Variants in RPS6KC1 observed in about 807,000 individuals in gnomAD.
RPS6KC1 encodes inactive ribosomal protein S6 kinase delta-1.
In RPS6KC1, 54 loss-of-function variants were observed where a neutral mutation model predicts 103.8. The observed-to-expected ratio is 0.52, with a 90% CI of 0.42 to 0.65. The LOEUF (loss-of-function observed/expected upper bound fraction) is 0.65. Among genes scored for constraint, RPS6KC1 ranks in the 30% least tolerant of loss-of-function variants. The pLI, the probability that RPS6KC1 is intolerant of heterozygous loss-of-function variation, is 0.00. For synonymous variants in RPS6KC1, 439 were observed against 438.7 expected (o/e 1.00, Z -0.01); for missense variants, 1,151 against 1,253.8 (o/e 0.92, Z 1.24).
At chr1:213,202,831 TA>T (rs1258380444) in intron 8 of RPS6KC1, among the ~76,000 whole-genome samples, 3 of 152,174 alleles carry the variant, frequency 2.0e-5, no homozygotes, top group Non-Finnish European at 4.4e-5. Context: ...ATTTATTGAT[TA>T]AAAAATTAAA....
the RPS6KC1 span, among the ~76,000 whole-genome samples, chr1:213,400,861 C>T: frequency 1.3e-5 from 2 of 152,002 alleles, no homozygotes; most frequent in South Asian, 2.1e-4. Context: ...CACACACCAC[C>T]GTGCCTGGCT....
At chr1:213,777,730 T>C in the RPS6KC1 span, among the ~76,000 whole-genome samples, 1 of 152,196 alleles carries the variant, frequency 6.6e-6, no homozygotes, top group Non-Finnish European at 1.5e-5. Flanking sequence ...CTACATTAGT[T>C]TCTTTGTGTC....
At position 213,219,873 on chromosome 1, in the gene RPS6KC1, G is replaced by C. The variant is rs190577170; in HGVS notation, c.1045-10624G>C. On this transcript the variant is annotated intron_variant, in intron 8 of 14. Coordinates refer to ENST00000366960, the MANE Select transcript of RPS6KC1 (RefSeq NM_012424.6). ...GGCCTGTTGTGGGGTGGGGGGAGGG[G>C]GGAGGTATAGCATTAGGAGATATAC... is the stretch of plus-strand genomic sequence containing the variant. 2.1e-5 allele frequency among the ~76,000 whole-genome samples: 3 copies of C among 144,254 alleles called. No homozygotes were observed. The East Asian group carries it at 6.7e-4, about 32-fold the overall frequency. The allele number at this position is 144,254 out of a possible 152,430, so 94.6% of individuals were successfully genotyped here.
chr1:213,283,139 C>T, the RPS6KC1 span, among the ~76,000 whole-genome samples: 928 of 152,252 alleles, frequency 6.1e-3, 9 homozygotes, highest in African/African-American at 0.021. Context: ...CTACTCGCTC[C>T]GTACATCTCC....
chr1:213,769,724 G>GA, the RPS6KC1 span, among the ~76,000 whole-genome samples: 1 of 151,988 alleles, frequency 6.6e-6, no homozygotes, highest in Non-Finnish European at 1.5e-5. Flanking sequence ...AAAGGAGGAA[G>GA]AAAAAGAAAA....
At chr1:213,055,123 G>A (rs944161322) in intron 1 of RPS6KC1, among the ~76,000 whole-genome samples, 5 of 152,106 alleles carry the variant, frequency 3.3e-5, no homozygotes, top group African/African-American at 1.2e-4. Flanking sequence ...CATTGTAAGT[G>A]TCCAATTTGA....
At chr1:213,443,908 A>AG in the RPS6KC1 span, among the ~76,000 whole-genome samples, 2 of 151,878 alleles carry the variant, frequency 1.3e-5, no homozygotes, top group East Asian at 3.9e-4. Flanking sequence ...CTCAAAAAAA[A>AG]AGAGAAGTTT....
rs1227377115 is a variant in RPS6KC1, at chr1:213,195,632, C to T, written c.1044+19140C>T. On this transcript the variant is annotated intron_variant, in intron 8 of 14. Coordinates refer to ENST00000366960, the MANE Select transcript of RPS6KC1 (RefSeq NM_012424.6). ...TGCCCTTCCAGCCTTTCTCCTGAGT[C>T]CTCAGAGGTCATTATATCATACTTA... is the stretch of plus-strand genomic sequence containing the variant. 3.3e-5 allele frequency among the ~76,000 whole-genome samples: 5 copies of T among 152,068 alleles called. No homozygotes were observed. In the East Asian group the frequency reaches 9.6e-4, roughly 29 times the overall value.
At chr1:213,223,314 G>A (rs1026993749) in intron 8 of RPS6KC1, among the ~76,000 whole-genome samples, 6 of 151,890 alleles carry the variant, frequency 4.0e-5, no homozygotes, top group African/African-American at 1.2e-4. Context: ...TCCATTACTC[G>A]AGCAATGTAC....
chr1:213,576,492 T>C, the RPS6KC1 span, among the ~76,000 whole-genome samples: 1 of 152,006 alleles, frequency 6.6e-6, no homozygotes, highest in Non-Finnish European at 1.5e-5. Context: ...TTGGTAATTA[T>C]TATTATTATT....
rs776048289 is a variant in RPS6KC1, at chr1:213,051,359, C to T, written c.-46C>T. 10 of 1,490,486 alleles carry T rather than the reference C, an allele frequency of 6.7e-6. No individual in the cohort carries two copies. In the South Asian group the frequency reaches 8.0e-5, roughly 12 times the overall value. 92.3% of individuals were successfully genotyped at this position (1,490,486 alleles called of 1,614,324 possible). A position where few individuals can be genotyped will look rare whatever the true frequency, so the allele number is the denominator to read the frequency against. On this transcript the variant is annotated 5_prime_UTR_variant, in exon 1 of 15. Coordinates refer to ENST00000366960, the MANE Select transcript of RPS6KC1 (RefSeq NM_012424.6). Reference sequence around the variant, plus strand: ...TGGACCGCGGCGGCGCCGGGTTTCCCTCATGATCCCGGGCGGGTGGCGGCG... The same window carrying T: ...TGGACCGCGGCGGCGCCGGGTTTCCTTCATGATCCCGGGCGGGTGGCGGCG...
At chr1:213,361,134 C>G in the RPS6KC1 span, among the ~76,000 whole-genome samples, 1 of 152,234 alleles carries the variant, frequency 6.6e-6, no homozygotes, top group Admixed American at 6.5e-5. Context: ...GCCTTTTGTT[C>G]AGCTATGCCC....
the RPS6KC1 span, among the ~76,000 whole-genome samples, chr1:213,615,868 G>A: frequency 6.6e-6 from 1 of 152,244 alleles, no homozygotes; most frequent in African/African-American, 2.4e-5. Flanking sequence ...CCTACAAGGG[G>A]TGGCTGGCAG....
the RPS6KC1 span, among the ~76,000 whole-genome samples, chr1:213,689,869 A>G: frequency 6.6e-6 from 1 of 152,216 alleles, no homozygotes; most frequent in African/African-American, 2.4e-5. Flanking sequence ...CTGGGGATCA[A>G]TGTACACCCA....
the RPS6KC1 span, among the ~76,000 whole-genome samples, chr1:213,443,052 T>C: frequency 1.3e-5 from 2 of 152,166 alleles, no homozygotes; most frequent in East Asian, 1.9e-4. Flanking sequence ...TTGAGAACTG[T>C]TGGCGGCGAT....
the RPS6KC1 span, among the ~76,000 whole-genome samples, chr1:213,302,468 C>T: frequency 1.3e-5 from 2 of 152,044 alleles, no homozygotes; most frequent in Non-Finnish European, 2.9e-5. Flanking sequence ...TTGAGACCAG[C>T]CTGGGCAACA....
the RPS6KC1 span, among the ~76,000 whole-genome samples, chr1:213,361,304 G>C: frequency 6.6e-6 from 1 of 152,256 alleles, no homozygotes; most frequent in African/African-American, 2.4e-5. Flanking sequence ...TTCGATTTCA[G>C]ACTGCTGTGC....
intron 6 of RPS6KC1, among the ~76,000 whole-genome samples, chr1:213,156,075 C>G (rs2089854993): frequency 6.6e-6 from 1 of 152,164 alleles, no homozygotes; most frequent in Non-Finnish European, 1.5e-5. Flanking sequence ...CAGGAATTGA[C>G]AGAGATGTTA....
intron 6 of RPS6KC1, among the ~76,000 whole-genome samples, chr1:213,135,035 G>A (rs575654404): frequency 3.3e-5 from 5 of 152,082 alleles, no homozygotes; most frequent in Admixed American, 6.6e-5. Flanking sequence ...CAGTCTTACC[G>A]TGGAATATGA....
Sources: gnomAD v4.1 joint callset for allele counts (sites outside exome capture counted in the v4.1 genomes callset) on GRCh38, gnomAD v4.1.1 for gene constraint, MANE v1.5 for transcripts, NCBI Gene and HGNC (gene_info 2026-07-23, HGNC 2026-07-21) for gene names.